Variants in ERBB4 observed in about 807,000 individuals in gnomAD.
ERBB4 encodes the protein receptor tyrosine-protein kinase erbB-4.
In ERBB4, 42 loss-of-function variants were observed where a neutral mutation model predicts 158.0. That is an observed-to-expected ratio of 0.27 (90% CI 0.21 to 0.34). ERBB4 has a LOEUF of 0.34. ERBB4 is among the 10% of genes least tolerant of loss of function. The pLI, the probability that ERBB4 is intolerant of heterozygous loss-of-function variation, is 1.00. For synonymous variants in ERBB4, 583 were observed against 558.7 expected (o/e 1.04, Z -0.61); for missense variants, 1,333 against 1,624.1 (o/e 0.82, Z 3.08).
chr2:212,199,445 T>A (rs1316128649), intron 1 of ERBB4, among the ~76,000 whole-genome samples: 1 of 152,166 alleles, frequency 6.6e-6, no homozygotes, highest in Non-Finnish European at 1.5e-5. Flanking sequence ...AACTATTACA[T>A]CATAAATTAT....
At chr2:212,516,830 C>T (rs572125384) in intron 1 of ERBB4, among the ~76,000 whole-genome samples, 5 of 152,216 alleles carry the variant, frequency 3.3e-5, no homozygotes, top group Admixed American at 6.5e-5. Flanking sequence ...TGTCTTTGTA[C>T]ATCAGGCTGT....
intron 2 of ERBB4, among the ~76,000 whole-genome samples, chr2:212,063,883 C>G (rs1323199800): frequency 6.6e-6 from 1 of 152,116 alleles, no homozygotes. Flanking sequence ...TGAATGCCCT[C>G]CCTCAGGAGT....
intron 18 of ERBB4, among the ~76,000 whole-genome samples, chr2:211,621,095 A>G (rs114620488): frequency 0.12 from 17,903 of 152,234 alleles, 1,492 homozygotes; most frequent in Non-Finnish European, 0.17. Flanking sequence ...ACCCTGGCCT[A>G]CAGAGCAAGA....
rs977077982 is a variant in ERBB4 at position 211,716,589 on chromosome 2, T to C, written c.884-2941A>G. ...TACTCGGGAGGCTGAGGCAGGAGAA[T>C]GGCGTGAACCCGGGAGGCGGAGCTT... On this transcript the variant is annotated intron_variant, in intron 7 of 27. Coordinates refer to ENST00000342788, the MANE Select transcript of ERBB4 (RefSeq NM_005235.3). Among the ~76,000 whole-genome samples, 227 of 151,850 alleles carry C rather than the reference T, an allele frequency of 1.5e-3. 1 individual carries two copies. The highest frequency in any genetic ancestry group is 2.6e-3 in the Non-Finnish European group (174 of 67,960).
intron 1 of ERBB4, among the ~76,000 whole-genome samples, chr2:212,507,443 G>T (rs1196300331): frequency 6.6e-6 from 1 of 152,088 alleles, no homozygotes; most frequent in East Asian, 1.9e-4. Flanking sequence ...GGATTCCTCT[G>T]ATGGAACTGA....
intron 1 of ERBB4, among the ~76,000 whole-genome samples, chr2:212,398,638 T>C (rs2091098790): frequency 6.6e-6 from 1 of 152,204 alleles, no homozygotes; most frequent in African/African-American, 2.4e-5. Context: ...TTACTTAAAT[T>C]ACATTTACAT....
At chr2:212,370,347 C>T (rs2013073) in intron 1 of ERBB4, among the ~76,000 whole-genome samples, 25,945 of 152,072 alleles carry the variant, frequency 0.17, 2,523 homozygotes, top group South Asian at 0.26. Flanking sequence ...ATAAATTACC[C>T]AGTCTCAGAT....
At chr2:212,413,652 G>A (rs59123708) in intron 1 of ERBB4, among the ~76,000 whole-genome samples, 6 of 152,060 alleles carry the variant, frequency 3.9e-5, no homozygotes, top group Non-Finnish European at 7.4e-5. Context: ...TGTTATAGCA[G>A]AAAGGGCCCT....
At chr2:211,510,112 T>C (rs1198427532) in intron 20 of ERBB4, among the ~76,000 whole-genome samples, 5 of 152,038 alleles carry the variant, frequency 3.3e-5, no homozygotes, top group Non-Finnish European at 1.5e-5. Context: ...GAAAGCATTA[T>C]ACAAAAAAGA....
intron 3 of ERBB4, among the ~76,000 whole-genome samples, chr2:211,794,916 T>A (rs1004203979): frequency 5.9e-5 from 9 of 151,918 alleles, no homozygotes; most frequent in African/African-American, 1.9e-4. Flanking sequence ...AAAAGTCACA[T>A]AGACTCAAAG....
chr2:211,975,429 T>C (rs529980759), intron 2 of ERBB4, among the ~76,000 whole-genome samples: 1 of 152,352 alleles, frequency 6.6e-6, no homozygotes, highest in South Asian at 2.1e-4. Context: ...AGTTTAATAA[T>C]TATTGCTCCA....
At chr2:211,624,956 A>G (rs1246546893) in intron 17 of ERBB4, among the ~76,000 whole-genome samples, 2 of 151,886 alleles carry the variant, frequency 1.3e-5, no homozygotes, top group Non-Finnish European at 2.9e-5. Context: ...GTGTGGCCAA[A>G]GTAGTAAAAT....
intron 12 of ERBB4, among the ~76,000 whole-genome samples, chr2:211,692,843 T>G (rs1025870693): frequency 1.3e-5 from 2 of 151,906 alleles, no homozygotes; most frequent in Non-Finnish European, 2.9e-5. Flanking sequence ...CAGGGGGCCA[T>G]CATTCAGTCT....
At chr2:212,529,421 C>T (rs932419403) in intron 1 of ERBB4, among the ~76,000 whole-genome samples, 2 of 152,178 alleles carry the variant, frequency 1.3e-5, no homozygotes, top group African/African-American at 2.4e-5. Context: ...TGAATGATAG[C>T]GTCTTAGAAA....
At chr2:212,363,176 T>A (rs1273696358) in intron 1 of ERBB4, among the ~76,000 whole-genome samples, 5 of 151,380 alleles carry the variant, frequency 3.3e-5, no homozygotes, top group Non-Finnish European at 7.4e-5. Flanking sequence ...TTTAAAGGTA[T>A]CCTATGGTTG....
At chr2:212,019,541 T>A (rs978506579) in intron 2 of ERBB4, among the ~76,000 whole-genome samples, 1 of 151,880 alleles carries the variant, frequency 6.6e-6, no homozygotes, top group Non-Finnish European at 1.5e-5. Flanking sequence ...GATGGGCAGA[T>A]TGCCTGAGCT....
intron 12 of ERBB4, among the ~76,000 whole-genome samples, chr2:211,681,402 G>C (rs2072328876): frequency 6.6e-6 from 1 of 152,036 alleles, no homozygotes; most frequent in South Asian, 2.1e-4. Flanking sequence ...TGGACAATAT[G>C]GTAGGTATAT....
chr2:211,513,377 C>CAAAAAAAAAAAAAAAAAAAAAA (rs1167274491), intron 20 of ERBB4, among the ~76,000 whole-genome samples: 1 of 55,746 alleles, frequency 1.8e-5, no homozygotes, highest in African/African-American at 5.0e-5. Context: ...AAAAAAAAAA[C>CAAAAAAAAAAAAAAAAAAAAAA]AAAAAAAAAA....
chr2:211,557,843 A>G (rs938220348), intron 20 of ERBB4, among the ~76,000 whole-genome samples: 1 of 152,198 alleles, frequency 6.6e-6, no homozygotes, highest in Non-Finnish European at 1.5e-5. Context: ...CAGTATTTCC[A>G]ATAGCAAAAA....
Sources: gnomAD v4.1 joint callset for allele counts (sites outside exome capture counted in the v4.1 genomes callset) on GRCh38, gnomAD v4.1.1 for gene constraint, MANE v1.5 for transcripts, NCBI Gene and HGNC (gene_info 2026-07-23, HGNC 2026-07-21) for gene names.